MCTP1: variants seen among roughly 807,000 people sequenced by gnomAD.
The protein encoded by MCTP1 is multiple C2 and transmembrane domain-containing protein 1.
MCTP1 carries 69 observed loss-of-function variants against 120.6 expected under a neutral mutation model. The ratio of observed to expected loss-of-function variants is 0.57; its 90% confidence interval spans 0.47 to 0.70. The LOEUF (loss-of-function observed/expected upper bound fraction) is 0.70, where lower values mean the gene tolerates loss of function less well. Ranked by LOEUF, MCTP1 falls within the 30% of genes least tolerant of loss-of-function variation. The pLI, the probability that MCTP1 is intolerant of heterozygous loss-of-function variation, is 0.00. For missense variants in MCTP1, 1,203 were observed against 1,248.8 expected (o/e 0.96, Z 0.55); for synonymous variants, 529 against 493.1 (o/e 1.07, Z -0.96).
chr5:95,270,426 C>T (rs1759275807), intron 1 of MCTP1, among the ~76,000 whole-genome samples: 1 of 152,072 alleles, frequency 6.6e-6, no homozygotes. Context: ...TAGAATAGTG[C>T]CTTATACATA....
At position 94,779,171 on chromosome 5, in the gene MCTP1, G is replaced by C. The variant is rs748802899; in HGVS notation, c.2557-8C>G. 6.2e-7 allele frequency: 1 copy of C among 1,613,150 alleles called. No homozygotes were observed. The highest frequency in any genetic ancestry group is 1.1e-5 in the South Asian group (1 of 91,046). On this transcript the variant is annotated splice_polypyrimidine_tract_variant and splice_region_variant and intron_variant, in intron 18 of 22. Transcript: ENST00000515393. The stretch of plus-strand genomic sequence containing the variant: ...TAGCATGTCCTCCACTACCTGCAGA[G>C]AGAAACAGAAGTCGTTTTTTGTGCT...
intron 2 of MCTP1, among the ~76,000 whole-genome samples, chr5:95,008,625 T>C (rs1036671722): frequency 4.6e-5 from 7 of 152,152 alleles, no homozygotes; most frequent in Non-Finnish European, 1.5e-5. Context: ...CCCTAGTCAC[T>C]ATGAACATAA....
At chr5:94,827,402 T>A (rs1787394182) in intron 17 of MCTP1, among the ~76,000 whole-genome samples, 1 of 152,206 alleles carries the variant, frequency 6.6e-6, no homozygotes, top group Admixed American at 6.5e-5. Context: ...GCCCTTAACA[T>A]TTTTTCCTTC....
At chr5:94,911,880 G>A (rs1196687359) in intron 9 of MCTP1, among the ~76,000 whole-genome samples, 2 of 152,034 alleles carry the variant, frequency 1.3e-5, no homozygotes, top group Non-Finnish European at 2.9e-5. Flanking sequence ...TTTGTTTGCT[G>A]AGTGATTATG....
intron 1 of MCTP1, among the ~76,000 whole-genome samples, chr5:95,176,630 G>A (rs1039235831): frequency 4.6e-5 from 7 of 152,064 alleles, no homozygotes; most frequent in South Asian, 2.1e-4. Context: ...GATAGATTTT[G>A]TGAGTCCGGG....
chr5:95,105,433 C>A (rs1757012967), intron 1 of MCTP1, among the ~76,000 whole-genome samples: 1 of 152,116 alleles, frequency 6.6e-6, no homozygotes, highest in African/African-American at 2.4e-5. Flanking sequence ...ATTTATCTAT[C>A]TTCTCCTGGG....
At chr5:94,924,797 T>A (rs531304436) in intron 6 of MCTP1, among the ~76,000 whole-genome samples, 119 of 152,298 alleles carry the variant, frequency 7.8e-4, no homozygotes, top group African/African-American at 2.6e-3. Context: ...CTGATGACAG[T>A]CATGGGAAAG....
intron 21 of MCTP1, 196 bp downstream of exon 21, chr5:94,710,622 G>A (rs910848535): frequency 1.8e-5 from 9 of 504,108 alleles, no homozygotes; most frequent in South Asian, 8.6e-5. Flanking sequence ...TAGTGTGCCA[G>A]ATAAGAAAAA....
At chr5:95,034,747 G>A (rs904662309) in intron 1 of MCTP1, among the ~76,000 whole-genome samples, 3 of 152,044 alleles carry the variant, frequency 2.0e-5, no homozygotes, top group African/African-American at 7.2e-5. Flanking sequence ...AAGAGCTTCT[G>A]TACGGCAAAA....
At chr5:94,784,584 A>C (rs1349104381) in intron 18 of MCTP1, among the ~76,000 whole-genome samples, 1 of 152,046 alleles carries the variant, frequency 6.6e-6, no homozygotes, top group Non-Finnish European at 1.5e-5. Context: ...GAATAATAAG[A>C]TTCAATCAAG....
chr5:95,136,401 T>C (rs549998832), intron 1 of MCTP1, among the ~76,000 whole-genome samples: 69 of 151,550 alleles, frequency 4.6e-4, no homozygotes, highest in African/African-American at 1.6e-3. Context: ...TGATTTGTGA[T>C]GAGATGTTAA....
intron 19 of MCTP1, among the ~76,000 whole-genome samples, chr5:94,715,363 C>CAAAAAAAA (rs35567390): frequency 2.0e-4 from 14 of 70,540 alleles, no homozygotes; most frequent in African/African-American, 4.3e-4. Context: ...ATGAAAACTA[C>CAAAAAAAA]AAAAAAAAAA....
intron 2 of MCTP1, among the ~76,000 whole-genome samples, chr5:94,988,444 G>T (rs1053778717): frequency 2.0e-5 from 3 of 151,968 alleles, no homozygotes; most frequent in Admixed American, 2.0e-4. Context: ...TTCAAAGACT[G>T]CTACCTCAGG....
In MCTP1 at chr5:94,940,152, C is replaced by T. The variant is rs149157270; in HGVS notation, c.1105G>A (p.Asp369Asn). The T allele has an allele frequency of 3.1e-6, 5 of 1,609,520 alleles. No individual in the cohort carries two copies. The highest frequency in any genetic ancestry group is 1.7e-4 in the Middle Eastern group (1 of 6,032). Residue 369 changes from aspartate to asparagine, a missense_variant, in exon 5 of 23, where the codon GAC becomes AAC. By Grantham distance (23) the Asp-to-Asn change is conservative. Around this residue, in one of 2 missense-constraint regions of MCTP1, gnomAD observed 740 missense variants for 871.1 expected, o/e 0.85. Coordinates refer to ENST00000515393, the MANE Select transcript of MCTP1 (RefSeq NM_024717.7). Reference protein sequence around the residue: ...TLTLKDPHYPDHDLGIILLSV... With the variant: ...TLTLKDPHYPNHDLGIILLSV... ...AGCAAAATGATTCCAAGATCATGGT[C>T]AGGATAATGAGGATCTTTCAGAGTA...
At chr5:95,031,522 G>A (rs779534525) in intron 1 of MCTP1, among the ~76,000 whole-genome samples, 3 of 152,080 alleles carry the variant, frequency 2.0e-5, no homozygotes, top group Non-Finnish European at 1.5e-5. Flanking sequence ...AGAATTTCAC[G>A]TCCTCCTAAA....
intron 1 of MCTP1, among the ~76,000 whole-genome samples, chr5:95,277,723 C>A (rs1455287932): frequency 6.6e-6 from 1 of 152,104 alleles, no homozygotes; most frequent in Non-Finnish European, 1.5e-5. Context: ...TCTAAATGAA[C>A]CCAGTGGGAT....
At chr5:95,079,660 C>T (rs1754427714) in intron 1 of MCTP1, among the ~76,000 whole-genome samples, 1 of 151,982 alleles carries the variant, frequency 6.6e-6, no homozygotes, top group African/African-American at 2.4e-5. Flanking sequence ...TTCCACTTAT[C>T]TCTTGAAACT....
chr5:94,912,794 A>C lies in MCTP1; in HGVS notation c.1521+12T>G, dbSNP rs1379631501. ...CCAAATATTGACAGGAACACAATAG[A>C]GACAAGGTTACCTTGCTCTTGTACT... On this transcript the variant is annotated intron_variant, in intron 9 of 22. Transcript: ENST00000515393. 2 of 1,536,886 alleles carry C rather than the reference A, an allele frequency of 1.3e-6. No homozygotes were observed. The highest frequency in any genetic ancestry group is 4.0e-5 in the Admixed American group (2 of 50,208).
intron 19 of MCTP1, among the ~76,000 whole-genome samples, chr5:94,737,433 T>C (rs758622978): frequency 6.6e-6 from 1 of 152,206 alleles, no homozygotes; most frequent in Non-Finnish European, 1.5e-5. Flanking sequence ...AATAGTTTGA[T>C]GTCATTTATT....
Sources: gnomAD v4.1 joint callset for allele counts (sites outside exome capture counted in the v4.1 genomes callset) on GRCh38, gnomAD v4.1.1 for gene constraint, gnomAD v4.1.1 regional missense constraint, MANE v1.5 for transcripts, NCBI Gene and HGNC (gene_info 2026-07-23, HGNC 2026-07-21) for gene names.